Variants in CHD7 observed in about 807,000 individuals in gnomAD.
The protein encoded by CHD7 is chromodomain helicase DNA binding protein 7.
CHD7 carries 24 observed loss-of-function variants against 307.3 expected under a neutral mutation model. The ratio of observed to expected loss-of-function variants is 0.08; its 90% CI spans 0.06 to 0.11. The LOEUF (loss-of-function observed/expected upper bound fraction) is 0.11. CHD7 is among the 10% of genes least tolerant of loss of function. The pLI is 1.00. For synonymous variants in CHD7, 1,363 were observed against 1,349.9 expected (o/e 1.01, Z -0.21); for missense variants, 3,106 against 3,727.1 (o/e 0.83, Z 4.34).
chr8:60,759,686 A>G (rs1810078556), intron 2 of CHD7, among the ~76,000 whole-genome samples: 1 of 152,196 alleles, frequency 6.6e-6, no homozygotes, highest in Non-Finnish European at 1.5e-5. Flanking sequence ...CCAGGGAAGT[A>G]GAACCCACCA....
At chr8:60,690,471 A>G (rs1029202632) in intron 1 of CHD7, among the ~76,000 whole-genome samples, 3 of 152,138 alleles carry the variant, frequency 2.0e-5, no homozygotes, top group African/African-American at 7.2e-5. Context: ...GTTCCCACTT[A>G]TTAAAAAAAA....
chr8:60,849,596 C>T (rs78841037), intron 25 of CHD7, among the ~76,000 whole-genome samples: 2 of 152,146 alleles, frequency 1.3e-5, no homozygotes, highest in Non-Finnish European at 2.9e-5. Context: ...ACTCGCGGCT[C>T]CCCTGAGTGG....
intron 7 of CHD7, among the ~76,000 whole-genome samples, chr8:60,811,494 C>T (rs1369314309): frequency 6.6e-6 from 1 of 152,134 alleles, no homozygotes; most frequent in Non-Finnish European, 1.5e-5. Context: ...TACATCTGTT[C>T]ATAGGGGTCC....
At chr8:60,785,875 A>G (rs1046061793) in intron 3 of CHD7, among the ~76,000 whole-genome samples, 1 of 151,058 alleles carries the variant, frequency 6.6e-6, no homozygotes, top group Non-Finnish European at 1.5e-5. Flanking sequence ...TTTTACTCAC[A>G]TGCTATGATT....
Position 60,742,935 on chromosome 8 carries a change from T to A in CHD7, c.1503T>A (p.His501Gln), listed in dbSNP as rs755250885. 14 of 1,613,316 alleles carry A rather than the reference T, an allele frequency of 8.7e-6. No individual in the cohort carries two copies. Among genetic ancestry groups the A allele is most frequent in the Non-Finnish European group, 1.2e-5 (14 of 1,179,576 alleles). Residue 501 changes from histidine to glutamine, a missense_variant, in exon 2 of 38, where the codon CAT (histidine) becomes CAA (glutamine). By Grantham distance (24) the His-to-Gln change is conservative. Transcript: ENST00000423902. ...AACGACTGATACCTGGCCAACAACA[T>A]CCTGGTCAACAGCCATCTTTTCAGC... ...IQERLIPGQQ[H>Q]PGQQPSFQQL...
At chr8:60,858,092 C>A (rs1805796301) in intron 34 of CHD7, among the ~76,000 whole-genome samples, 1 of 152,168 alleles carries the variant, frequency 6.6e-6, no homozygotes, top group Admixed American at 6.5e-5. Flanking sequence ...CTTTTCTCTA[C>A]TACAATTATA....
At position 60,742,805 on chromosome 8, in the gene CHD7, C is replaced by G. The variant is rs767302034; in HGVS notation, c.1373C>G (p.Ser458Cys). 9.9e-6 allele frequency: 16 copies of G among 1,614,028 alleles called. No homozygotes were observed. The South Asian group carries it at 1.8e-4, about 18-fold the overall frequency. Residue 458 changes from serine (S) to cysteine (C), a missense_variant, in exon 2 of 38, where the codon TCT (serine) becomes TGT (cysteine). By Grantham distance (112) the Ser-to-Cys change is moderately radical (BLOSUM62 -1). Coordinates refer to ENST00000423902, the MANE Select transcript of CHD7 (RefSeq NM_017780.4). ...ATGGGCCCCAGAAACATGCAGCAGT[C>G]TCGTCCATTTATAGGCATGTCCTCG... ...RNMGPRNMQQ[S>C]RPFIGMSSAP...
intron 7 of CHD7, among the ~76,000 whole-genome samples, chr8:60,813,937 T>C (rs1260162078): frequency 1.3e-5 from 2 of 152,090 alleles, no homozygotes; most frequent in African/African-American, 2.4e-5. Context: ...ATATACCTGT[T>C]TCATAAAGAG....
Position 60,839,157 on chromosome 8 carries a change from G to T in CHD7, c.4533+902G>T, listed in dbSNP as rs544670625. Reference sequence around the variant, plus strand: ...TTTTTCTACAGATTTGCCTTCTCTGGACAGTGGACAGTTCATATAAATGGA... The same window carrying T: ...TTTTTCTACAGATTTGCCTTCTCTGTACAGTGGACAGTTCATATAAATGGA... On this transcript the variant is annotated intron_variant, in intron 19 of 37. Transcript: ENST00000423902. 7.2e-5 allele frequency among the ~76,000 whole-genome samples: 11 copies of T among 152,250 alleles called. No individual in the cohort carries two copies. In the East Asian group the frequency reaches 1.2e-3, roughly 16 times the overall value.
chr8:60,792,108 A>G (rs1811803027), intron 3 of CHD7, among the ~76,000 whole-genome samples: 1 of 152,214 alleles, frequency 6.6e-6, no homozygotes, highest in Admixed American at 6.5e-5. Context: ...TGAGGCTCAG[A>G]CAAATTAAGT....
intron 1 of CHD7, among the ~76,000 whole-genome samples, chr8:60,711,006 C>A (rs531799761): frequency 3.4e-4 from 52 of 152,084 alleles, no homozygotes; most frequent in African/African-American, 1.1e-3. Context: ...TGTTTTTGTC[C>A]TTTTTTATAT....
chr8:60,829,627 G>A (rs1804411365), intron 14 of CHD7, among the ~76,000 whole-genome samples: 3 of 151,962 alleles, frequency 2.0e-5, no homozygotes, highest in African/African-American at 4.8e-5. Context: ...AAAGAAAAGT[G>A]CTTGGCTATT....
rs1401402885 is a variant in CHD7 at position 60,741,283 on chromosome 8, C to T, written c.-150C>T. On this transcript the variant is annotated 5_prime_UTR_variant, in exon 2 of 38. Transcript: ENST00000423902. ...GGACCTATATCCAGACTTTGCCTGACACTGCAGGGTCCAAGAGAATTAAAG... is the reference window on the plus strand; with the variant it reads ...GGACCTATATCCAGACTTTGCCTGATACTGCAGGGTCCAAGAGAATTAAAG... The T allele has an allele frequency of 1.8e-5, 12 of 659,226 alleles. No individual in the cohort carries two copies. In the Admixed American group the frequency reaches 3.5e-4, roughly 19 times the overall value. The allele number at this position is 659,226 out of a possible 1,614,324, so 40.8% of individuals were successfully genotyped here. A position where few individuals can be genotyped will look rare whatever the true frequency, so the allele number is the denominator to read the frequency against.
At position 60,741,291 on chromosome 8, in the gene CHD7, G is replaced by A; in HGVS notation, c.-142G>A. ...ATCCAGACTTTGCCTGACACTGCAG[G>A]GTCCAAGAGAATTAAAGAAATATGG... On this transcript the variant is annotated 5_prime_UTR_variant, in exon 2 of 38. Transcript: ENST00000423902. 1 of 683,976 alleles carries A rather than the reference G, an allele frequency of 1.5e-6. No individual in the cohort carries two copies. The highest frequency in any genetic ancestry group is 2.5e-6 in the Non-Finnish European group (1 of 404,670). 42.4% of individuals were successfully genotyped at this position (683,976 alleles called of 1,614,324 possible). A position where few individuals can be genotyped will look rare whatever the true frequency, so the allele number is the denominator to read the frequency against.
At chr8:60,722,501 T>C (rs1807959164) in intron 1 of CHD7, among the ~76,000 whole-genome samples, 1 of 152,248 alleles carries the variant, frequency 6.6e-6, no homozygotes, top group Non-Finnish European at 1.5e-5. Context: ...GCTATGGTTT[T>C]CACATGAGAA....
At chr8:60,829,960 A>C (rs907338261) in intron 14 of CHD7, among the ~76,000 whole-genome samples, 1 of 152,198 alleles carries the variant, frequency 6.6e-6, no homozygotes, top group South Asian at 2.1e-4. Flanking sequence ...AAGGAAGAGA[A>C]TAGAAACAGA....
At chr8:60,806,600 A>G (rs938217764) in intron 6 of CHD7, among the ~76,000 whole-genome samples, 5 of 152,244 alleles carry the variant, frequency 3.3e-5, no homozygotes, top group African/African-American at 9.6e-5. Context: ...CTTTATAGTT[A>G]TTACGTTTCA....
rs1804462115 is a variant in CHD7 at position 60,830,589 on chromosome 8, C to T, written c.3778+12C>T. 1.2e-6 allele frequency: 2 copies of T among 1,608,528 alleles called. No individual in the cohort carries two copies. The highest frequency in any genetic ancestry group is 2.2e-5 in the East Asian group (1 of 44,804). On this transcript the variant is annotated intron_variant, in intron 15 of 37. Transcript: ENST00000423902. Reference sequence around the variant, plus strand: ...GTACCTTATCAATGGTAAGGCTGCCCTGCTCGCGAACTTGCTTAAGTGACG... The same window carrying T: ...GTACCTTATCAATGGTAAGGCTGCCTTGCTCGCGAACTTGCTTAAGTGACG...
chr8:60,809,208 C>G (rs117394363), intron 7 of CHD7, among the ~76,000 whole-genome samples: 1 of 152,092 alleles, frequency 6.6e-6, no homozygotes, highest in Admixed American at 6.5e-5. Context: ...GTGAGTAAAA[C>G]CTTTTATCAA....
Sources: gnomAD v4.1 joint callset for allele counts (sites outside exome capture counted in the v4.1 genomes callset) on GRCh38, gnomAD v4.1.1 for gene constraint, MANE v1.5 for transcripts, NCBI Gene and HGNC (gene_info 2026-07-23, HGNC 2026-07-21) for gene names.